Variants in PTPRD observed in about 807,000 individuals in gnomAD.
PTPRD encodes receptor-type tyrosine-protein phosphatase delta.
PTPRD carries 34 observed loss-of-function variants against 214.5 expected under a neutral mutation model. That is an observed-to-expected ratio of 0.16 (90% confidence interval 0.12 to 0.21). The LOEUF (loss-of-function observed/expected upper bound fraction) is 0.21, where lower values mean the gene tolerates loss of function less well. Ranked by LOEUF, PTPRD falls within the 10% of genes least tolerant of loss-of-function variation. PTPRD has a pLI of 1.00. For synonymous variants in PTPRD, 1,128 were observed against 845.7 expected, an observed-to-expected ratio of 1.33 and a Z score of -5.79; for missense variants, 2,545 against 2,398.7, an observed-to-expected ratio of 1.06 and a Z score of -1.27.
intron 8 of PTPRD, among the ~76,000 whole-genome samples, chr9:9,541,750 C>G (rs1252798059): frequency 6.6e-6 from 1 of 151,776 alleles, no homozygotes; most frequent in Non-Finnish European, 1.5e-5. Flanking sequence ...AATGTTTCCA[C>G]TGAGGCACGC....
chr9:10,132,741 T>G (rs1407613183), intron 3 of PTPRD, among the ~76,000 whole-genome samples: 6 of 152,182 alleles, frequency 3.9e-5, no homozygotes, highest in Non-Finnish European at 8.8e-5. Flanking sequence ...TAGTAGGTCA[T>G]GCTTCTGCTC....
intron 7 of PTPRD, among the ~76,000 whole-genome samples, chr9:9,712,951 G>T (rs1489003575): frequency 6.6e-6 from 1 of 152,118 alleles, no homozygotes; most frequent in Non-Finnish European, 1.5e-5. Flanking sequence ...AAACATTAAT[G>T]AAAAAACTCA....
chr9:10,322,486 G>GCTT (rs2096570274), intron 3 of PTPRD, among the ~76,000 whole-genome samples: 2 of 151,880 alleles, frequency 1.3e-5, no homozygotes, highest in Non-Finnish European at 2.9e-5. Flanking sequence ...GTGATTTTAG[G>GCTT]ATACTCGAGC....
intron 2 of PTPRD, among the ~76,000 whole-genome samples, chr9:10,424,116 A>G (rs1260277833): frequency 1.3e-5 from 2 of 152,134 alleles, no homozygotes; most frequent in Non-Finnish European, 1.5e-5. Flanking sequence ...TACAGTTCAA[A>G]ACGAAGAATT....
intron 5 of PTPRD, among the ~76,000 whole-genome samples, chr9:9,848,338 A>G (rs571480290): frequency 6.6e-6 from 1 of 152,260 alleles, no homozygotes; most frequent in Admixed American, 6.5e-5. Flanking sequence ...TGGCCACTAG[A>G]CCATATGCTT....
At chr9:10,259,331 G>C (rs576060534) in intron 3 of PTPRD, among the ~76,000 whole-genome samples, 112 of 152,182 alleles carry the variant, frequency 7.4e-4, no homozygotes, top group African/African-American at 2.6e-3. Context: ...GCCGGTATCT[G>C]TTTCTTATGT....
chr9:9,779,184 C>T (rs867624249), intron 5 of PTPRD, among the ~76,000 whole-genome samples: 92 of 147,932 alleles, frequency 6.2e-4, no homozygotes, highest in African/African-American at 2.3e-3. Flanking sequence ...TCTCACCTTT[C>T]ACCATATACA....
intron 3 of PTPRD, among the ~76,000 whole-genome samples, chr9:10,115,643 GT>G (rs59229223): frequency 0.42 from 63,597 of 151,304 alleles, 14,518 homozygotes; most frequent in Middle Eastern, 0.55. Flanking sequence ...AACTTTACAA[GT>G]TTTTTTTTCT....
intron 8 of PTPRD, among the ~76,000 whole-genome samples, chr9:9,441,802 C>T (rs930102152): frequency 4.6e-5 from 7 of 152,144 alleles, no homozygotes; most frequent in African/African-American, 9.7e-5. Context: ...TATTTGATTA[C>T]CACTCAAGCT....
chr9:9,097,717 C>G (rs2099785649), intron 10 of PTPRD, among the ~76,000 whole-genome samples: 1 of 152,126 alleles, frequency 6.6e-6, no homozygotes, highest in African/African-American at 2.4e-5. Flanking sequence ...TGCAAATCCT[C>G]TCTGAAGGAA....
intron 12 of PTPRD, among the ~76,000 whole-genome samples, chr9:8,675,375 A>G (rs2097380931): frequency 6.6e-6 from 1 of 151,972 alleles, no homozygotes; most frequent in South Asian, 2.1e-4. Flanking sequence ...TGACTATTAC[A>G]GATTCATTAA....
At chr9:8,537,423 T>G (rs573712391) in intron 14 of PTPRD, among the ~76,000 whole-genome samples, 23 of 152,164 alleles carry the variant, frequency 1.5e-4, no homozygotes, top group African/African-American at 5.1e-4. Context: ...AAAGTAATTA[T>G]GAACAAGATA....
chr9:9,960,299 C>A (rs182171066), intron 4 of PTPRD, among the ~76,000 whole-genome samples: 9 of 151,050 alleles, frequency 6.0e-5, no homozygotes, highest in African/African-American at 2.2e-4. Context: ...GCTATGACAG[C>A]TTGAATAACA....
At chr9:8,501,284 A>C (rs2097399964) in intron 23 of PTPRD, among the ~76,000 whole-genome samples, 1 of 152,196 alleles carries the variant, frequency 6.6e-6, no homozygotes, top group Non-Finnish European at 1.5e-5. Context: ...TTGTTAAATA[A>C]TGGGTAGGGG....
rs189927060 is a variant in PTPRD, at chr9:8,615,254, C to G, written c.352+18063G>C. ...CGTTAATGGGAGCTGTGGGAGCCCA[C>G]GGCTCAGAGAATATACCTCCAAGTC... On this transcript the variant is annotated intron_variant, in intron 14 of 45. Coordinates refer to ENST00000381196, the MANE Select transcript of PTPRD (RefSeq NM_002839.4). Among the ~76,000 whole-genome samples, 10 of 152,148 alleles carry G rather than the reference C, an allele frequency of 6.6e-5. No homozygotes were observed. In the East Asian group the frequency reaches 1.7e-3, roughly 27 times the overall value.
intron 3 of PTPRD, among the ~76,000 whole-genome samples, chr9:10,257,692 G>T (rs966508962): frequency 6.6e-6 from 1 of 152,050 alleles, no homozygotes; most frequent in Non-Finnish European, 1.5e-5. Context: ...GACCAGTCAG[G>T]CGCTCAACCC....
intron 8 of PTPRD, among the ~76,000 whole-genome samples, chr9:9,539,607 A>G (rs992981182): frequency 6.6e-6 from 1 of 151,842 alleles, no homozygotes; most frequent in Non-Finnish European, 1.5e-5. Flanking sequence ...CATCCAGTTA[A>G]CTGTATTAGC....
intron 11 of PTPRD, among the ~76,000 whole-genome samples, chr9:8,786,050 T>C (rs958170019): frequency 1.4e-5 from 2 of 141,564 alleles, no homozygotes; most frequent in Non-Finnish European, 3.0e-5. Context: ...TGTGTGTGTG[T>C]GTGTGTGTGT....
At chr9:10,546,146 C>A (rs1390621912) in intron 2 of PTPRD, among the ~76,000 whole-genome samples, 3 of 151,974 alleles carry the variant, frequency 2.0e-5, no homozygotes, top group Non-Finnish European at 1.5e-5. Context: ...ATAGTATTGG[C>A]CTGTGAGTAA....
Sources: allele counts gnomAD v4.1 joint callset (sites outside exome capture counted in the v4.1 genomes callset), GRCh38; gene constraint gnomAD v4.1.1; transcripts MANE v1.5; gene names NCBI Gene and HGNC (gene_info 2026-07-23, HGNC 2026-07-21).